RIPOR1: variants seen among roughly 807,000 people sequenced by gnomAD.
The protein encoded by RIPOR1 is RHO family interacting cell polarization regulator 1, also known as rho family-interacting cell polarization regulator 1.
RIPOR1 carries 58 observed loss-of-function variants against 116.5 expected under a neutral mutation model. That is an observed-to-expected ratio of 0.50 (90% CI 0.40 to 0.62). RIPOR1 has a LOEUF of 0.62. Ranked by LOEUF, RIPOR1 falls within the 20% of genes least tolerant of loss-of-function variation. The probability of loss-of-function intolerance (pLI) is 0.00; values close to 1 mark genes in which losing one functional copy is unlikely to be tolerated. For synonymous variants in RIPOR1, 605 were observed against 650.0 expected, an observed-to-expected ratio of 0.93 and a Z score of 1.05; for missense variants, 1,372 against 1,586.2, an observed-to-expected ratio of 0.86 and a Z score of 2.29.
Position 67,543,158 on chromosome 16 carries a change from A to G in RIPOR1, c.2372A>G (p.Glu791Gly). 1 of 1,534,842 alleles carries G rather than the reference A, an allele frequency of 6.5e-7. No homozygotes were observed. Among genetic ancestry groups the G allele is most frequent in the Non-Finnish European group, 8.8e-7 (1 of 1,141,896 alleles). ...GGAGGGTCTGGGGACAGGAGCCTGGAGGAGGCACTGGGGGCCCTAATGGCT... is the reference window on the plus strand; with the variant it reads ...GGAGGGTCTGGGGACAGGAGCCTGGGGGAGGCACTGGGGGCCCTAATGGCT... Reference protein sequence around the residue: ...AAGGSGDRSLEEALGALMAAL... With the variant: ...AAGGSGDRSLGEALGALMAAL... Residue 791 changes from glutamate to glycine, a missense_variant, in exon 13 of 22, where the codon GAG (glutamate) becomes GGG (glycine). Physicochemically the swap from Glu to Gly is moderately conservative, Grantham distance 98 (BLOSUM62 -2). Coordinates refer to ENST00000042381, the MANE Select transcript of RIPOR1 (RefSeq NM_024519.4). The surrounding 1 kb of genome is among the most constrained non-coding windows in gnomAD (Gnocchi z 4.7).
chr16:67,528,328 T>C (rs1160556103), upstream of RIPOR1: 1 of 152,214 alleles, frequency 6.6e-6, no homozygotes. Flanking sequence ...AGCCAGACAG[T>C]GGCAGAAAGG....
At chr16:67,539,557 T>C (rs936253708) in intron 4 of RIPOR1, 171 bp from the exon 5 acceptor site, 19 of 807,824 alleles carry the variant, frequency 2.4e-5, no homozygotes, top group Admixed American at 5.5e-5. Context: ...AGATCTGTGC[T>C]ACCAGCATCC....
chr16:67,529,491 C>A lies in RIPOR1; in HGVS notation c.-24+577C>A. The A allele has an allele frequency of 2.6e-6, 1 of 380,052 alleles. No homozygotes were observed. Among genetic ancestry groups the A allele is most frequent in the East Asian group, 4.5e-5 (1 of 22,006 alleles). 23.5% of individuals were successfully genotyped at this position (380,052 alleles called of 1,614,324 possible). ...GGATCGTCCTTGTCGGGGAACGGAGCTTTTCCCTGGAAATGGAGGTTGGCG... is the reference window on the plus strand; with the variant it reads ...GGATCGTCCTTGTCGGGGAACGGAGATTTTCCCTGGAAATGGAGGTTGGCG... On this transcript the variant is annotated intron_variant, in intron 1 of 21. Transcript: ENST00000042381. This position sits in a 1 kb window ranked among gnomAD's most constrained non-coding sequence, Gnocchi z 4.1.
rs1303153405 is a variant in RIPOR1, at chr16:67,545,092, G to A, written c.3006G>A (p.Leu1002=). The A allele has an allele frequency of 1.9e-6, 3 of 1,613,054 alleles. No individual in the cohort carries two copies. The highest frequency in any genetic ancestry group is 1.7e-5 in the Admixed American group (1 of 60,032). Residue 1002 remains leucine, a synonymous_variant, in exon 17 of 22, where the codon CTG becomes CTA. Transcript: ENST00000042381. This position sits in a 1 kb window ranked among gnomAD's most constrained non-coding sequence, Gnocchi z 4.8. The part of the protein sequence containing the change: ...FCNQYGARLS[L]RQPGLAEAVC... The stretch of plus-strand genomic sequence containing the variant: ...ACCAGTATGGTGCCCGCCTCTCCCT[G>A]CGCCAGCCAGGCTTGGCTGAGGCTG...
At chr16:67,523,318 G>T (rs1035532805) in intron 1 of RIPOR1, among the ~76,000 whole-genome samples, 18 of 151,954 alleles carry the variant, frequency 1.2e-4, no homozygotes, top group Non-Finnish European at 2.4e-4. Flanking sequence ...CTGAGGTCAG[G>T]AGTTCGAGAC....
In RIPOR1 at chr16:67,530,174, G is replaced by A; in HGVS notation, c.-24+1260G>A. The A allele has an allele frequency of 2.7e-6, 1 of 370,946 alleles. No homozygotes were observed. The highest frequency in any genetic ancestry group is 4.4e-5 in the Admixed American group (1 of 22,640). 23.0% of individuals were successfully genotyped at this position (370,946 alleles called of 1,614,324 possible). A position where few individuals can be genotyped will look rare whatever the true frequency, so the allele number is the denominator to read the frequency against. ...TGGGTCCCGCTTGAGAGAAGCGGGC[G>A]GGGAGGGCGCGGGTGAGTCACGGCG... On this transcript the variant is annotated intron_variant, in intron 1 of 21. Coordinates refer to ENST00000042381, the MANE Select transcript of RIPOR1 (RefSeq NM_024519.4). The surrounding 1 kb of genome is among the most constrained non-coding windows in gnomAD (Gnocchi z 4.5).
Position 67,537,765 on chromosome 16 carries a change from G to A in RIPOR1, c.-23-659G>A, listed in dbSNP as rs981048385. ...CGCACGTCCGTGACTCAGTTTCCAGGTGGGAGCCTCAGGAAAGAGGAGGGG... is the reference window on the plus strand; with the variant it reads ...CGCACGTCCGTGACTCAGTTTCCAGATGGGAGCCTCAGGAAAGAGGAGGGG... On this transcript the variant is annotated intron_variant, in intron 1 of 21. Coordinates refer to ENST00000042381, the MANE Select transcript of RIPOR1 (RefSeq NM_024519.4). The surrounding 1 kb of genome is among the most constrained non-coding windows in gnomAD (Gnocchi z 4.6). 2.0e-4 allele frequency among the ~76,000 whole-genome samples: 30 copies of A among 152,232 alleles called. No individual in the cohort carries two copies. Among genetic ancestry groups the A allele is most frequent in the Admixed American group, 5.2e-4 (8 of 15,300 alleles).
chr16:67,545,116 T>C lies in RIPOR1; in HGVS notation c.3030T>C (p.Ala1010=), dbSNP rs1268261443. ...LSLRQPGLAE[A]VCVKFLEDAL... is the part of the protein sequence containing the mutation. Reference sequence around the variant, plus strand: ...TGCGCCAGCCAGGCTTGGCTGAGGCTGGTGAGTGGGCTGCTTCCTCCTTCC... The same window carrying C: ...TGCGCCAGCCAGGCTTGGCTGAGGCCGGTGAGTGGGCTGCTTCCTCCTTCC... The change falls in exon 17 of 22, where the codon GCT becomes GCC. Residue 1010 remains alanine (A), a splice_region_variant and synonymous_variant. Coordinates refer to ENST00000042381, the MANE Select transcript of RIPOR1 (RefSeq NM_024519.4). The surrounding 1 kb of genome is among the most constrained non-coding windows in gnomAD (Gnocchi z 4.8). 2.2e-5 allele frequency: 36 copies of C among 1,611,634 alleles called. No individual in the cohort carries two copies. Among genetic ancestry groups the C allele is most frequent in the Non-Finnish European group, 3.1e-5 (36 of 1,179,866 alleles).
At chr16:67,524,777 A>C (rs1175227963), upstream of RIPOR1, among the ~76,000 whole-genome samples, 1 of 152,016 alleles carries the variant, frequency 6.6e-6, no homozygotes, top group Non-Finnish European at 1.5e-5. Flanking sequence ...CATCTCTTAA[A>C]TGTCTCCTCT....
At position 67,537,697 on chromosome 16, in the gene RIPOR1, G is replaced by C. The variant is rs1428159127; in HGVS notation, c.-23-727G>C. 3 of 826,260 alleles carry C rather than the reference G, an allele frequency of 3.6e-6. No individual in the cohort carries two copies. In the East Asian group the frequency reaches 1.0e-4, roughly 28 times the overall value. The allele number at this position is 826,260 out of a possible 1,614,324, so 51.2% of individuals were successfully genotyped here. A position where few individuals can be genotyped will look rare whatever the true frequency, so the allele number is the denominator to read the frequency against. ...GTGTGTGTTTCGCCGAAGCGGGGTG[G>C]GGGTCTGCCGAGGAGCTCTCCCCGC... On this transcript the variant is annotated intron_variant, in intron 1 of 21. Coordinates refer to ENST00000042381, the MANE Select transcript of RIPOR1 (RefSeq NM_024519.4). The surrounding 1 kb of genome is among the most constrained non-coding windows in gnomAD (Gnocchi z 4.6).
chr16:67,535,495 G>C (rs764908499), intron 1 of RIPOR1, among the ~76,000 whole-genome samples: 10 of 152,200 alleles, frequency 6.6e-5, no homozygotes, highest in Non-Finnish European at 1.5e-4. Flanking sequence ...GCTGTGCAGG[G>C]AAGGTACAGA....
At chr16:67,518,985 A>G (rs1157422060) in intron 1 of RIPOR1, among the ~76,000 whole-genome samples, 5 of 152,220 alleles carry the variant, frequency 3.3e-5, no homozygotes, top group Non-Finnish European at 7.3e-5. Context: ...AGGAAAAGGC[A>G]TTCAACTGTA....
At position 67,530,120 on chromosome 16, in the gene RIPOR1, G is replaced by C. The variant is rs889279043; in HGVS notation, c.-24+1206G>C. 5.3e-6 allele frequency: 3 copies of C among 562,474 alleles called. No homozygotes were observed. The highest frequency in any genetic ancestry group is 9.6e-6 in the Non-Finnish European group (3 of 312,464). 34.8% of individuals were successfully genotyped at this position (562,474 alleles called of 1,614,324 possible). On this transcript the variant is annotated intron_variant, in intron 1 of 21. Transcript: ENST00000042381. The surrounding 1 kb of genome is among the most constrained non-coding windows in gnomAD (Gnocchi z 4.5). ...GCCCCAGGGGTCTGGGTTTGGGTGC[G>C]GGTGAGGGGAGGACTCAGGACTCTG...
In RIPOR1 at chr16:67,544,846, G is replaced by A; in HGVS notation, c.2869+16G>A. 3.8e-6 allele frequency: 6 copies of A among 1,589,806 alleles called. No homozygotes were observed. The highest frequency in any genetic ancestry group is 5.2e-6 in the Non-Finnish European group (6 of 1,163,910). On this transcript the variant is annotated intron_variant, in intron 16 of 21. Transcript: ENST00000042381. The surrounding 1 kb of genome is among the most constrained non-coding windows in gnomAD (Gnocchi z 5.1). ...GCCCAGGAAGGTAAAGGCCCTGGGG[G>A]TTCGGGCTCTGCCATCTGCCTTGAA... is the stretch of plus-strand genomic sequence containing the variant.
chr16:67,524,666 C>T (rs2050525664), upstream of RIPOR1, among the ~76,000 whole-genome samples: 1 of 152,232 alleles, frequency 6.6e-6, no homozygotes, highest in South Asian at 2.1e-4. Context: ...CCACTATCCA[C>T]CCATCACCCA....
Position 67,546,492 on chromosome 16 carries a change from C to T in RIPOR1, c.*29C>T. 1.3e-6 allele frequency: 2 copies of T among 1,585,860 alleles called. No individual in the cohort carries two copies. Among genetic ancestry groups the T allele is most frequent in the Non-Finnish European group, 1.7e-6 (2 of 1,156,002 alleles). On this transcript the variant is annotated 3_prime_UTR_variant, in exon 22 of 22. Coordinates refer to ENST00000042381, the MANE Select transcript of RIPOR1 (RefSeq NM_024519.4). ...ATTCACCCATGGGTTCCTGGTGCCC[C>T]TTTCCCCCCACTTTCAGGGCTCACC...
At chr16:67,525,865 T>C (rs1044580316), upstream of RIPOR1, among the ~76,000 whole-genome samples, 4 of 152,094 alleles carry the variant, frequency 2.6e-5, no homozygotes, top group African/African-American at 4.8e-5. Context: ...TTCCCAACGA[T>C]GTGACAGTTT....
rs2050588008 is a variant in RIPOR1, at chr16:67,529,160, C to G, written c.-24+246C>G. Among the ~76,000 whole-genome samples the G allele has an allele frequency of 6.6e-6, 1 of 152,208 alleles. No homozygotes were observed. Among genetic ancestry groups the G allele is most frequent in the Admixed American group, 6.5e-5 (1 of 15,292 alleles). ...AGAGCCTGGCGCTGCTGCCTTCCTC[C>G]CACGGCAAGGCCCTGGCGGCCGGTG... On this transcript the variant is annotated intron_variant, in intron 1 of 21. Transcript: ENST00000042381. The surrounding 1 kb of genome is among the most constrained non-coding windows in gnomAD (Gnocchi z 4.1).
At position 67,546,228 on chromosome 16, in the gene RIPOR1, T is replaced by C. The variant is rs2051163067; in HGVS notation, c.3559T>C (p.Cys1187Arg). The change falls in exon 21 of 22, where the codon TGT becomes CGT. Residue 1187 changes from cysteine to arginine, a missense_variant. By Grantham distance (180) the Cys-to-Arg change is radical. Coordinates refer to ENST00000042381, the MANE Select transcript of RIPOR1 (RefSeq NM_024519.4). ...AGCTGCCCGGCAAAGCCTACAGCAG[T>C]GTGGTGAGGCTGGGGGATGGAAGAG... is the stretch of plus-strand genomic sequence containing the variant. The part of the protein sequence containing the change: ...REAARQSLQQ[C>R]GEEGQSAHRR... 1.2e-6 allele frequency: 2 copies of C among 1,613,802 alleles called. No homozygotes were observed. Among genetic ancestry groups the C allele is most frequent in the East Asian group, 4.5e-5 (2 of 44,864 alleles).
Sources: allele counts gnomAD v4.1 joint callset (sites outside exome capture counted in the v4.1 genomes callset), GRCh38; gene constraint gnomAD v4.1.1; non-coding constraint Gnocchi (gnomAD v3.1); transcripts MANE v1.5; gene names NCBI Gene and HGNC (gene_info 2026-07-23, HGNC 2026-07-21).